Variants in PHACTR3 observed in about 807,000 individuals in gnomAD.
The protein encoded by PHACTR3 is protein phosphatase 1, regulatory subunit 123.
Under a neutral mutation model 66.8 loss-of-function variants are expected in PHACTR3, and 16 were observed. The ratio of observed to expected loss-of-function variants is 0.24; its 90% CI spans 0.16 to 0.36. The LOEUF (loss-of-function observed/expected upper bound fraction) is 0.36, where lower values mean the gene tolerates loss of function less well. Among genes scored for constraint, PHACTR3 ranks in the 10% least tolerant of loss-of-function variants. The probability of loss-of-function intolerance (pLI) is 1.00; values close to 1 mark genes in which losing one functional copy is unlikely to be tolerated. For missense variants in PHACTR3, 647 were observed against 719.9 expected (o/e 0.90, Z 1.16); for synonymous variants, 323 against 292.1 (o/e 1.11, Z -1.08).
intron 12 of PHACTR3, among the ~76,000 whole-genome samples, chr20:59,845,840 A>G (rs556611662): frequency 6.6e-6 from 1 of 152,328 alleles, no homozygotes; most frequent in South Asian, 2.1e-4. Context: ...TGATTCTCCC[A>G]TAATCAAGAC....
At chr20:59,773,220 A>G in intron 5 of PHACTR3, 59 bp from the exon 6 acceptor site, 1 of 1,554,964 alleles carries the variant, frequency 6.4e-7, no homozygotes, top group Middle Eastern at 1.7e-4. Flanking sequence ...AGTCTCAGCA[A>G]AACCCTTGGT....
intron 7 of PHACTR3, among the ~76,000 whole-genome samples, chr20:59,775,660 C>A (rs1304480100): frequency 6.6e-6 from 1 of 152,178 alleles, no homozygotes; most frequent in East Asian, 1.9e-4. Context: ...GTGGCAGAAA[C>A]TAGGAGCTGG....
chr20:59,718,735 C>A (rs948292966), intron 1 of PHACTR3, among the ~76,000 whole-genome samples: 1 of 152,150 alleles, frequency 6.6e-6, no homozygotes, highest in Non-Finnish European at 1.5e-5. Context: ...CAATCTAATG[C>A]GAGTTAAATT....
intron 10 of PHACTR3, 71 bp downstream of exon 10, chr20:59,840,501 G>C: frequency 6.3e-7 from 1 of 1,593,202 alleles, no homozygotes; most frequent in South Asian, 1.1e-5. Context: ...TAGCAGGTGG[G>C]ATGGGTAATG....
intron 5 of PHACTR3, among the ~76,000 whole-genome samples, chr20:59,767,673 A>G (rs563384458): frequency 6.6e-5 from 10 of 152,238 alleles, no homozygotes; most frequent in Non-Finnish European, 1.5e-4. Context: ...TCAAGCAAAC[A>G]GGGGAGTCTC....
chr20:59,792,548 G>A (rs1177555979), intron 7 of PHACTR3, among the ~76,000 whole-genome samples: 1 of 152,156 alleles, frequency 6.6e-6, no homozygotes, highest in Non-Finnish European at 1.5e-5. Context: ...CAAGGGCTGG[G>A]CTATGCCTAT....
At position 59,648,818 on chromosome 20, in the gene PHACTR3, G is replaced by A. The variant is rs1005213920; in HGVS notation, c.118+43686G>A. ...GGTGGAGTGAATAAGTGACAAGCTCGCCCTTAGAGAAACCACCTCGGAGTA... is the reference window on the plus strand; with the variant it reads ...GGTGGAGTGAATAAGTGACAAGCTCACCCTTAGAGAAACCACCTCGGAGTA... On this transcript the variant is annotated intron_variant, in intron 1 of 12. Transcript: ENST00000371015. Among the ~76,000 whole-genome samples, 19 of 152,258 alleles carry A rather than the reference G, an allele frequency of 1.2e-4. No individual in the cohort carries two copies. The East Asian group carries it at 2.3e-3, about 19-fold the overall frequency.
chr20:59,752,398 C>T (rs2039627066), intron 3 of PHACTR3, among the ~76,000 whole-genome samples: 1 of 152,252 alleles, frequency 6.6e-6, no homozygotes, highest in Non-Finnish European at 1.5e-5. Flanking sequence ...CGGAGGCTGG[C>T]CTTCCAGCGA....
At chr20:59,606,745 C>T (rs1048318033) in intron 1 of PHACTR3, among the ~76,000 whole-genome samples, 1 of 151,794 alleles carries the variant, frequency 6.6e-6, no homozygotes, top group Non-Finnish European at 1.5e-5. Context: ...TGGGTGGGAG[C>T]GGAGGGTTGG....
At chr20:59,635,101 C>CTCTCTTTCTT (rs1555881117) in intron 1 of PHACTR3, among the ~76,000 whole-genome samples, 1 of 92,904 alleles carries the variant, frequency 1.1e-5, no homozygotes, top group African/African-American at 4.4e-5. Context: ...TTCTTTCTCT[C>CTCTCTTTCTT]TCTTTCTTTC....
intron 1 of PHACTR3, among the ~76,000 whole-genome samples, chr20:59,696,902 A>G (rs1190804089): frequency 2.0e-5 from 3 of 152,076 alleles, no homozygotes; most frequent in African/African-American, 7.2e-5. Flanking sequence ...ACGCTTTCCT[A>G]TTGTGGAGGC....
At chr20:59,684,460 G>T (rs1456101925) in intron 1 of PHACTR3, among the ~76,000 whole-genome samples, 1 of 152,158 alleles carries the variant, frequency 6.6e-6, no homozygotes, top group Non-Finnish European at 1.5e-5. Context: ...TCTCTTTGTG[G>T]CTGGTCTGGA....
In PHACTR3 at chr20:59,847,222, AC is replaced by A; in HGVS notation, c.*95del. On this transcript the variant is annotated 3_prime_UTR_variant, in exon 13 of 13. Transcript: ENST00000371015. ...CTTTCCTGAAGTTCAGCTCAAGACT[AC>A]CCTACCTGCTGTGTTTGTGAGAAGA... The A allele has an allele frequency of 1.1e-6, 1 of 900,776 alleles. No homozygotes were observed. Among genetic ancestry groups the A allele is most frequent in the South Asian group, 1.5e-5 (1 of 65,218 alleles). The allele number at this position is 900,776 out of a possible 1,614,324, so 55.8% of individuals were successfully genotyped here. A position where few individuals can be genotyped will look rare whatever the true frequency, so the allele number is the denominator to read the frequency against.
intron 1 of PHACTR3, among the ~76,000 whole-genome samples, chr20:59,631,335 G>T (rs916163274): frequency 2.0e-5 from 3 of 152,196 alleles, no homozygotes; most frequent in African/African-American, 7.2e-5. Flanking sequence ...TTTTTAATGA[G>T]CTCCTGGGGG....
chr20:59,754,824 C>T (rs556031475), intron 3 of PHACTR3, among the ~76,000 whole-genome samples: 10 of 152,384 alleles, frequency 6.6e-5, no homozygotes, highest in East Asian at 3.9e-4. Flanking sequence ...TGTGTCCCAT[C>T]GACCAAAGCA....
At chr20:59,810,249 GC>G (rs36117400) in intron 8 of PHACTR3, among the ~76,000 whole-genome samples, 1 of 152,196 alleles carries the variant, frequency 6.6e-6, no homozygotes, top group East Asian at 1.9e-4. Flanking sequence ...TACCCCAAAC[GC>G]CCCCCTATGT....
chr20:59,601,008 A>C, upstream of PHACTR3, among the ~76,000 whole-genome samples: 1 of 152,152 alleles, frequency 6.6e-6, no homozygotes, highest in East Asian at 1.9e-4. Context: ...ACGCATTTAA[A>C]GTATAAAATT....
chr20:59,739,172 T>G (rs1029469533), intron 1 of PHACTR3, among the ~76,000 whole-genome samples: 2 of 152,132 alleles, frequency 1.3e-5, no homozygotes, highest in Non-Finnish European at 2.9e-5. Flanking sequence ...TACCAGGCAC[T>G]AGGTGCTGGG....
chr20:59,776,503 C>T (rs1024711052), intron 7 of PHACTR3, among the ~76,000 whole-genome samples: 11 of 88,756 alleles, frequency 1.2e-4, no homozygotes, highest in African/African-American at 3.2e-4. Flanking sequence ...CCTCACCAGC[C>T]ACACGGGGAG....
Sources: allele counts gnomAD v4.1 joint callset (sites outside exome capture counted in the v4.1 genomes callset), GRCh38; gene constraint gnomAD v4.1.1; transcripts MANE v1.5; gene names NCBI Gene and HGNC (gene_info 2026-07-23, HGNC 2026-07-21).